The following VKORC1L1 variants were observed in gnomAD, a reference collection of about 807,000 sequenced individuals.
VKORC1L1 encodes vitamin K epoxide reductase complex subunit 1-like protein 1.
In VKORC1L1, 2 loss-of-function variants were observed where a neutral mutation model predicts 18.9. The observed-to-expected ratio is 0.11, with a 90% CI of 0.04 to 0.33. The LOEUF is 0.33. Ranked by LOEUF, VKORC1L1 falls within the 10% of genes least tolerant of loss-of-function variation. The probability of loss-of-function intolerance (pLI) is 1.00; values close to 1 mark genes in which losing one functional copy is unlikely to be tolerated. For missense variants in VKORC1L1, 123 were observed against 224.1 expected, an observed-to-expected ratio of 0.55 and a Z score of 2.88; for synonymous variants, 96 against 100.0, an observed-to-expected ratio of 0.96 and a Z score of 0.24.
chr7:65,906,115 G>A (rs1454051657), intron 1 of VKORC1L1, among the ~76,000 whole-genome samples: 1 of 151,632 alleles, frequency 6.6e-6, no homozygotes, highest in Non-Finnish European at 1.5e-5. Context: ...TTGTATCATG[G>A]CCATAGTATA....
intron 1 of VKORC1L1, among the ~76,000 whole-genome samples, chr7:65,925,351 CG>C (rs1409795562): frequency 6.6e-6 from 1 of 152,276 alleles, no homozygotes; most frequent in Non-Finnish European, 1.5e-5. Flanking sequence ...CTTCAATCTT[CG>C]GATCCATCTT....
rs572730069 is a variant in VKORC1L1 at position 65,909,951 on chromosome 7, C to T, written c.194+36386C>T. Among the ~76,000 whole-genome samples the T allele has an allele frequency of 1.6e-3, 239 of 151,888 alleles. 1 individual carries two copies. Among genetic ancestry groups the T allele is most frequent in the African/African-American group, 5.5e-3 (226 of 41,418 alleles). ...CAGGCTGGTCTTGAACTCCTGACCT[C>T]GTGATCCACCCACCTCGGCCTCCCA... On this transcript the variant is annotated intron_variant, in intron 1 of 2. Transcript: ENST00000360768.
At chr7:65,949,383 G>A (rs1192320607) in intron 2 of VKORC1L1, among the ~76,000 whole-genome samples, 1 of 152,092 alleles carries the variant, frequency 6.6e-6, no homozygotes, top group African/African-American at 2.4e-5. Context: ...TGAGGCTGAG[G>A]CTGGAGAGTC....
intron 1 of VKORC1L1, among the ~76,000 whole-genome samples, chr7:65,905,065 A>T (rs947498371): frequency 1.3e-5 from 2 of 152,020 alleles, no homozygotes; most frequent in Non-Finnish European, 2.9e-5. Flanking sequence ...CTACATACAT[A>T]CACACACATA....
chr7:65,897,339 AT>A (rs1413018239), intron 1 of VKORC1L1, among the ~76,000 whole-genome samples: 1 of 152,242 alleles, frequency 6.6e-6, no homozygotes, highest in African/African-American at 2.4e-5. Flanking sequence ...TTGATTAGCT[AT>A]TGACTAAGGT....
At chr7:65,871,399 T>C (rs1224474862), upstream of VKORC1L1, among the ~76,000 whole-genome samples, 4 of 152,232 alleles carry the variant, frequency 2.6e-5, no homozygotes, top group South Asian at 2.1e-4. Flanking sequence ...TTTCACCATG[T>C]TGGTCAGCTG....
intron 1 of VKORC1L1, among the ~76,000 whole-genome samples, chr7:65,879,529 T>C (rs1788889067): frequency 1.3e-5 from 2 of 152,292 alleles, no homozygotes; most frequent in African/African-American, 2.4e-5. Context: ...TATCACCATT[T>C]TACACATGAG....
rs1790015746 is a variant in VKORC1L1, at chr7:65,940,419, C to T, written c.195-8252C>T. On this transcript the variant is annotated intron_variant, in intron 1 of 2. Transcript: ENST00000360768. ...ATGTCCAGCATCTCAGAAATTTGAC[C>T]TCCAGTGTGTATTTTCTCAAGGAAA... Among the ~76,000 whole-genome samples, 3 of 152,228 alleles carry T rather than the reference C, an allele frequency of 2.0e-5. No individual in the cohort carries two copies. The South Asian group carries it at 6.2e-4, about 32-fold the overall frequency.
At chr7:65,909,012 G>C (rs1789454833) in intron 1 of VKORC1L1, among the ~76,000 whole-genome samples, 1 of 150,368 alleles carries the variant, frequency 6.7e-6, no homozygotes, top group Admixed American at 6.6e-5. Context: ...GCTGATGCCT[G>C]TAATCCCAGC....
intron 1 of VKORC1L1, among the ~76,000 whole-genome samples, chr7:65,894,072 A>G (rs1252246780): frequency 6.6e-6 from 1 of 151,686 alleles, no homozygotes; most frequent in Non-Finnish European, 1.5e-5. Context: ...CTCCTGCCTC[A>G]GCTTCCTGAG....
At chr7:65,947,520 A>G (rs1203885607) in intron 1 of VKORC1L1, among the ~76,000 whole-genome samples, 1 of 152,014 alleles carries the variant, frequency 6.6e-6, no homozygotes, top group Non-Finnish European at 1.5e-5. Context: ...ATTTGTATCA[A>G]GTTTTATCAA....
At chr7:65,916,843 C>T (rs1374157239) in intron 1 of VKORC1L1, among the ~76,000 whole-genome samples, 1 of 152,064 alleles carries the variant, frequency 6.6e-6, no homozygotes, top group Admixed American at 6.6e-5. Context: ...GGTGATCCAC[C>T]CACCTTGGCC....
At chr7:65,892,430 C>T (rs1309900759) in intron 1 of VKORC1L1, among the ~76,000 whole-genome samples, 1 of 152,220 alleles carries the variant, frequency 6.6e-6, no homozygotes, top group Non-Finnish European at 1.5e-5. Flanking sequence ...TCCACATCCT[C>T]ACCATCATCT....
chr7:65,902,503 C>T (rs1177309206), intron 1 of VKORC1L1, among the ~76,000 whole-genome samples: 1 of 151,600 alleles, frequency 6.6e-6, no homozygotes, highest in Non-Finnish European at 1.5e-5. Flanking sequence ...GTAACAAGGA[C>T]AATTGTTAGA....
upstream of VKORC1L1, among the ~76,000 whole-genome samples, chr7:65,869,858 T>C (rs1788704866): frequency 6.6e-6 from 1 of 151,686 alleles, no homozygotes; most frequent in South Asian, 2.1e-4. Flanking sequence ...TCTTGCTATG[T>C]TGCCCAGGCT....
chr7:65,893,086 G>A (rs755547764), intron 1 of VKORC1L1, among the ~76,000 whole-genome samples: 3 of 152,196 alleles, frequency 2.0e-5, no homozygotes, highest in African/African-American at 7.2e-5. Flanking sequence ...CTCCCATCAA[G>A]CCAAACATTA....
At chr7:65,899,048 C>T (rs908300061) in intron 1 of VKORC1L1, among the ~76,000 whole-genome samples, 1 of 152,178 alleles carries the variant, frequency 6.6e-6, no homozygotes, top group Non-Finnish European at 1.5e-5. Flanking sequence ...AAAGACATGA[C>T]CTTATTCAGA....
intron 1 of VKORC1L1, among the ~76,000 whole-genome samples, chr7:65,920,661 C>T (rs758655481): frequency 6.6e-5 from 10 of 151,958 alleles, no homozygotes; most frequent in African/African-American, 2.2e-4. Flanking sequence ...TCTGTGGTGT[C>T]GTGTCCTTTC....
intron 1 of VKORC1L1, among the ~76,000 whole-genome samples, chr7:65,909,222 G>A (rs983172286): frequency 1.4e-5 from 2 of 147,734 alleles, no homozygotes; most frequent in African/African-American, 5.0e-5. Flanking sequence ...CACCTCAAGC[G>A]ATCCACCCAC....
Sources: gnomAD v4.1 joint callset for allele counts (sites outside exome capture counted in the v4.1 genomes callset) on GRCh38, gnomAD v4.1.1 for gene constraint, MANE v1.5 for transcripts, NCBI Gene and HGNC (gene_info 2026-07-23, HGNC 2026-07-21) for gene names.